Variants in GNG4 observed in about 807,000 individuals in gnomAD.
GNG4 encodes the protein guanine nucleotide-binding protein G(I)/G(S)/G(O) subunit gamma-4.
Under a neutral mutation model 5.8 loss-of-function variants are expected in GNG4, and 4 were observed. The observed-to-expected ratio is 0.69, with a 90% CI of 0.34 to 1.57. The LOEUF is 1.57. GNG4 is among the 40% of genes most tolerant of loss of function. The pLI is 0.06. For synonymous variants in GNG4, 29 were observed against 32.9 expected, an observed-to-expected ratio of 0.88 and a Z score of 0.41; for missense variants, 96 against 95.1, an observed-to-expected ratio of 1.01 and a Z score of -0.04.
intron 2 of GNG4, among the ~76,000 whole-genome samples, chr1:235,588,683 C>A (rs1158798370): frequency 6.6e-6 from 1 of 151,944 alleles, no homozygotes; most frequent in African/African-American, 2.4e-5. Flanking sequence ...GACTCCTTGC[C>A]CCAAATCATC....
At chr1:235,591,495 T>C (rs1019792580) in intron 2 of GNG4, among the ~76,000 whole-genome samples, 1 of 152,234 alleles carries the variant, frequency 6.6e-6, no homozygotes, top group Non-Finnish European at 1.5e-5. Flanking sequence ...CTGCTTCCCC[T>C]ACCTGGCCAG....
At chr1:235,612,513 C>T (rs1425718398) in intron 1 of GNG4, among the ~76,000 whole-genome samples, 1 of 152,104 alleles carries the variant, frequency 6.6e-6, no homozygotes, top group East Asian at 1.9e-4. Context: ...GCTGCTATAA[C>T]AAAATACCAT....
chr1:235,646,487 C>G (rs1657514411), intron 1 of GNG4, among the ~76,000 whole-genome samples: 1 of 152,222 alleles, frequency 6.6e-6, no homozygotes, highest in African/African-American at 2.4e-5. Flanking sequence ...CATGACACGT[C>G]TAGCCCAATC....
At chr1:235,587,443 C>T (rs142224815) in intron 2 of GNG4, among the ~76,000 whole-genome samples, 213 of 14,378 alleles carry the variant, frequency 0.015, 3 homozygotes, top group Non-Finnish European at 0.022. Flanking sequence ...GGTGGGTGAG[C>T]GTGTGTGAGG....
At chr1:235,572,200 T>C (rs890161563) in intron 3 of GNG4, among the ~76,000 whole-genome samples, 1 of 151,972 alleles carries the variant, frequency 6.6e-6, no homozygotes, top group Admixed American at 6.6e-5. Flanking sequence ...AAAGGTAAGG[T>C]AAAAATACAG....
intron 1 of GNG4, chr1:235,616,447 C>T (rs1011248178): frequency 1.1e-4 from 28 of 256,170 alleles, no homozygotes; most frequent in South Asian, 4.0e-4. Context: ...CTGGGCTGCC[C>T]GATCCCTGGC....
At chr1:235,615,952 T>C in intron 1 of GNG4, 5 of 306,364 alleles carry the variant, frequency 1.6e-5, no homozygotes, top group South Asian at 1.2e-4. Flanking sequence ...CTGGCCTGGG[T>C]GATCACCCTA....
chr1:235,582,601 C>A (rs1308229090), intron 3 of GNG4, among the ~76,000 whole-genome samples: 1 of 152,200 alleles, frequency 6.6e-6, no homozygotes, highest in Non-Finnish European at 1.5e-5. Context: ...TCATTTGAAA[C>A]CCCTTTCTAT....
At chr1:235,630,352 T>C (rs1179342787) in intron 1 of GNG4, among the ~76,000 whole-genome samples, 3 of 152,240 alleles carry the variant, frequency 2.0e-5, no homozygotes, top group African/African-American at 7.2e-5. Flanking sequence ...TCAAATGCCG[T>C]AAGTACTTGA....
chr1:235,640,383 T>G (rs1454024448), intron 1 of GNG4, among the ~76,000 whole-genome samples: 3 of 152,142 alleles, frequency 2.0e-5, no homozygotes, highest in Non-Finnish European at 2.9e-5. Flanking sequence ...CCAGACCCAC[T>G]ATGTCAGAAT....
At position 235,549,687 on chromosome 1, in the gene GNG4, CTAAGAA is replaced by C. The variant is rs1686688872; in HGVS notation, c.*2416_*2421del. ...TATTATTAGTGAGCTGATAATGAAA[CTAAGAA>C]TGAGTTTTAACAAAAGAAGCAAGGA... On this transcript the variant is annotated 3_prime_UTR_variant, in exon 4 of 4. Transcript: ENST00000391854. The C allele has an allele frequency of 6.6e-6, 1 of 152,182 alleles. No homozygotes were observed. The highest frequency in any genetic ancestry group is 1.5e-5 in the Non-Finnish European group (1 of 68,038). The allele number at this position is 152,182 out of a possible 1,614,324, so 9.4% of individuals were successfully genotyped here.
chr1:235,556,415 G>T (rs528296127), intron 3 of GNG4, among the ~76,000 whole-genome samples: 127 of 151,990 alleles, frequency 8.4e-4, no homozygotes, highest in South Asian at 1.7e-3. Flanking sequence ...AAATTTAGCT[G>T]GGCGTGGTGG....
At chr1:235,596,208 A>C (rs59771162) in intron 1 of GNG4, among the ~76,000 whole-genome samples, 7 of 29,516 alleles carry the variant, frequency 2.4e-4, no homozygotes, top group Non-Finnish European at 3.8e-4. Context: ...AACAAACAAA[A>C]TACACACACA....
intron 1 of GNG4, among the ~76,000 whole-genome samples, chr1:235,606,902 G>GCTTC (rs934718649): frequency 6.6e-6 from 1 of 151,140 alleles, no homozygotes; most frequent in Non-Finnish European, 1.5e-5. Context: ...CCAGTAGCTA[G>GCTTC]CTTCCTTCCT....
intron 1 of GNG4, among the ~76,000 whole-genome samples, chr1:235,637,255 C>T (rs935399664): frequency 3.3e-5 from 5 of 152,058 alleles, no homozygotes; most frequent in South Asian, 2.1e-4. Flanking sequence ...GTTATGCTTA[C>T]GTGTCCTTTA....
chr1:235,627,081 C>G (rs1264902936), intron 1 of GNG4, among the ~76,000 whole-genome samples: 1 of 150,706 alleles, frequency 6.6e-6, no homozygotes, highest in Non-Finnish European at 1.5e-5. Context: ...AATGCACCAT[C>G]GCTACTCACA....
chr1:235,647,608 G>C (rs1273401952), intron 1 of GNG4, among the ~76,000 whole-genome samples: 1 of 152,162 alleles, frequency 6.6e-6, no homozygotes, highest in Non-Finnish European at 1.5e-5. Flanking sequence ...GCCCTCCTGA[G>C]ACAGCTGTGG....
At chr1:235,622,160 C>G (rs572553061) in intron 1 of GNG4, among the ~76,000 whole-genome samples, 1 of 152,284 alleles carries the variant, frequency 6.6e-6, no homozygotes, top group East Asian at 1.9e-4. Flanking sequence ...GAGTCCCACA[C>G]ATTTTTATAT....
chr1:235,569,808 C>T (rs142756781), intron 3 of GNG4, among the ~76,000 whole-genome samples: 6,870 of 152,156 alleles, frequency 0.045, 461 homozygotes, highest in African/African-American at 0.14. Context: ...TCAGGTGATC[C>T]GTCCGCCTCG....
Sources: gnomAD v4.1 joint callset for allele counts (sites outside exome capture counted in the v4.1 genomes callset) on GRCh38, gnomAD v4.1.1 for gene constraint, MANE v1.5 for transcripts, NCBI Gene and HGNC (gene_info 2026-07-23, HGNC 2026-07-21) for gene names.